DDIAS: variants seen among roughly 807,000 people sequenced by gnomAD.
The protein encoded by DDIAS is DNA damage-induced apoptosis suppressor protein.
In DDIAS, 14 loss-of-function variants were observed where a neutral mutation model predicts 15.7. The ratio of observed to expected loss-of-function variants is 0.89; its 90% CI spans 0.59 to 1.39. DDIAS has a LOEUF of 1.39. DDIAS is among the 40% of genes most tolerant of loss of function. The pLI is 0.00. For missense variants in DDIAS, 1,035 were observed against 1,130.9 expected, an observed-to-expected ratio of 0.92 and a Z score of 1.22; for synonymous variants, 355 against 395.9, an observed-to-expected ratio of 0.90 and a Z score of 1.23.
chr11:82,918,477 A>G (rs1251554840), intron 3 of DDIAS, among the ~76,000 whole-genome samples: 9 of 152,180 alleles, frequency 5.9e-5, no homozygotes, highest in Non-Finnish European at 4.4e-5. Flanking sequence ...TTTGGTGACG[A>G]TGGCCTTATA....
At chr11:82,912,209 G>A (rs970714708) in intron 1 of DDIAS, among the ~76,000 whole-genome samples, 10 of 152,140 alleles carry the variant, frequency 6.6e-5, no homozygotes, top group Admixed American at 6.5e-4. Flanking sequence ...TTGAAGCCTT[G>A]AAGCCAGGCA....
chr11:82,904,105 C>G (rs1461756424), intron 1 of DDIAS, among the ~76,000 whole-genome samples: 1 of 152,158 alleles, frequency 6.6e-6, no homozygotes, highest in Non-Finnish European at 1.5e-5. Context: ...GATAATGTTG[C>G]AAAAGCACTT....
At chr11:82,924,698 C>T (rs1238920660) in intron 3 of DDIAS, among the ~76,000 whole-genome samples, 1 of 151,936 alleles carries the variant, frequency 6.6e-6, no homozygotes, top group African/African-American at 2.4e-5. Flanking sequence ...GCCTGTAGTC[C>T]CAGCTGCTCA....
chr11:82,915,908 C>T (rs1860624339), intron 3 of DDIAS, among the ~76,000 whole-genome samples: 1 of 152,162 alleles, frequency 6.6e-6, no homozygotes. Context: ...GATTCTTAGA[C>T]ACCGCAACTT....
In DDIAS at chr11:82,934,082, G is replaced by T. The variant is rs757607659; in HGVS notation, c.2744G>T (p.Gly915Val). The change falls in exon 6 of 6, where the codon GGT becomes GTT. Residue 915 changes from glycine to valine, a missense_variant. Coordinates refer to ENST00000533655, the MANE Select transcript of DDIAS (RefSeq NM_145018.4). ...LKHIRQGTNK[G>V]LIKKKLKNML... ...CATATTAGACAAGGAACCAATAAAG[G>T]TTTAATTAAGAAGAAATTAAAGAAT... 2.5e-6 allele frequency: 4 copies of T among 1,610,058 alleles called. No individual in the cohort carries two copies. The highest frequency in any genetic ancestry group is 2.5e-6 in the Non-Finnish European group (3 of 1,178,980).
rs771000149 is a variant in DDIAS at position 82,934,042 on chromosome 11, AGAAAGAAACT to A, written c.2709_2718del (p.Lys903AsnfsTer11). The A allele has an allele frequency of 4.6e-5, 75 of 1,613,772 alleles. No homozygotes were observed. Among genetic ancestry groups the A allele is most frequent in the Non-Finnish European group, 6.0e-5 (71 of 1,179,970 alleles). ...TTTCCCTGATCAACAAGAGTTACCA[AGAAAGAAACT>A]GAAACATATTAGACAAGGAACCAAT... On this transcript the variant is annotated frameshift_variant, in exon 6 of 6. Coordinates refer to ENST00000533655, the MANE Select transcript of DDIAS (RefSeq NM_145018.4). LOFTEE classifies it low-confidence loss of function (END_TRUNC).
Position 82,934,020 on chromosome 11 carries a change from C to G in DDIAS, c.2682C>G (p.Phe894Leu). The G allele has an allele frequency of 6.2e-7, 1 of 1,613,782 alleles. No individual in the cohort carries two copies. The highest frequency in any genetic ancestry group is 1.6e-4 in the Middle Eastern group (1 of 6,062). Residue 894 changes from phenylalanine to leucine, a missense_variant, in exon 6 of 6, where the codon TTC becomes TTG. By Grantham distance (22) the Phe-to-Leu change is conservative. Coordinates refer to ENST00000533655, the MANE Select transcript of DDIAS (RefSeq NM_145018.4). ...GLGKCLAAYH[F>L]PDQQELPRKK... ...GGAAATGCCTTGCTGCCTATCATTT[C>G]CCTGATCAACAAGAGTTACCAAGAA... is the stretch of plus-strand genomic sequence containing the variant.
rs1478578256 is a variant in DDIAS at position 82,933,394 on chromosome 11, G to C, written c.2056G>C (p.Glu686Gln). The C allele has an allele frequency of 6.2e-7, 1 of 1,613,848 alleles. No individual in the cohort carries two copies. The highest frequency in any genetic ancestry group is 8.5e-7 in the Non-Finnish European group (1 of 1,179,960). The change falls in exon 6 of 6, where the codon GAA becomes CAA. Residue 686 changes from glutamate (E) to glutamine (Q), a missense_variant. By Grantham distance (29) the Glu-to-Gln change is conservative (BLOSUM62 2). Coordinates refer to ENST00000533655, the MANE Select transcript of DDIAS (RefSeq NM_145018.4). ...TGATCTCTTTGATGATATTGCTAAA[G>C]AAATGGACATTGCAACTGAGATTAC... The part of the protein sequence containing the change: ...SADLFDDIAK[E>Q]MDIATEITKK...
At chr11:82,929,497 A>G (rs1256627325) in intron 4 of DDIAS, among the ~76,000 whole-genome samples, 2 of 152,040 alleles carry the variant, frequency 1.3e-5, no homozygotes, top group Non-Finnish European at 2.9e-5. Flanking sequence ...AGGTCAGGAG[A>G]TGGAGACCAT....
intron 1 of DDIAS, among the ~76,000 whole-genome samples, chr11:82,906,207 T>C (rs74845110): frequency 0.015 from 2,343 of 152,296 alleles, 69 homozygotes; most frequent in African/African-American, 0.053. Context: ...GATCTTATTC[T>C]ATTATTGTCC....
chr11:82,933,893 C>G lies in DDIAS; in HGVS notation c.2555C>G (p.Pro852Arg). Residue 852 changes from proline to arginine, a missense_variant, in exon 6 of 6, where the codon CCT (proline) becomes CGT (arginine). Pro to Arg is a moderately radical substitution (Grantham distance 103). Transcript: ENST00000533655. ...VSQPDVFNHY[P>R]FAECHETDSD... ...CAACCAGACGTTTTCAATCACTACC[C>G]TTTTGCTGAGTGCCATGAAACTGAT... The G allele has an allele frequency of 6.2e-7, 1 of 1,613,984 alleles. No homozygotes were observed. Among genetic ancestry groups the G allele is most frequent in the Non-Finnish European group, 8.5e-7 (1 of 1,180,000 alleles).
Position 82,933,239 on chromosome 11 carries a change from C to A in DDIAS, c.1901C>A (p.Pro634His). The change falls in exon 6 of 6, where the codon CCT becomes CAT. Residue 634 changes from proline to histidine, a missense_variant. By Grantham distance (77) the Pro-to-His change is moderately conservative. Transcript: ENST00000533655. ...SFTICRKLTY[P>H]LETLCNSPNR... ...ACAATTTGCAGGAAACTTACATATC[C>A]TTTAGAAACTCTTTGCAATAGTCCA... is the stretch of plus-strand genomic sequence containing the variant. 1 of 1,612,196 alleles carries A rather than the reference C, an allele frequency of 6.2e-7. No individual in the cohort carries two copies. Among genetic ancestry groups the A allele is most frequent in the Non-Finnish European group, 8.5e-7 (1 of 1,179,544 alleles).
In DDIAS at chr11:82,933,102, G is replaced by A. The variant is rs751789704; in HGVS notation, c.1764G>A (p.Met588Ile). 1.2e-5 allele frequency: 19 copies of A among 1,602,190 alleles called. No individual in the cohort carries two copies. In the South Asian group the frequency reaches 1.4e-4, roughly 12 times the overall value. ...NGCGEISVSE[M>I]NEKLTTLCYR... ...GTGGAGAAATATCAGTTTCAGAAAT[G>A]AATGAAAAGTTGACAACTCTGTGTT... The change falls in exon 6 of 6, where the codon ATG becomes ATA. Residue 588 changes from methionine to isoleucine, a missense_variant. Met to Ile is a conservative substitution (Grantham distance 10). Transcript: ENST00000533655.
chr11:82,930,913 G>A (rs1035540822), intron 5 of DDIAS, among the ~76,000 whole-genome samples: 2 of 152,090 alleles, frequency 1.3e-5, no homozygotes, highest in African/African-American at 4.8e-5. Flanking sequence ...TAGAATCAAC[G>A]GCTACAGAGC....
chr11:82,933,362 C>T lies in DDIAS; in HGVS notation c.2024C>T (p.Ala675Val). The change falls in exon 6 of 6, where the codon GCC (alanine) becomes GTC (valine). Residue 675 changes from alanine to valine, a missense_variant. By Grantham distance (64) the Ala-to-Val change is moderately conservative. Transcript: ENST00000533655. ...ATTGGTTATGAAGGTAGCTATGATG[C>T]CTCTGCTGATCTCTTTGATGATATT... is the stretch of plus-strand genomic sequence containing the variant. The part of the protein sequence containing the change: ...YSIGYEGSYD[A>V]SADLFDDIAK... 1.9e-6 allele frequency: 3 copies of T among 1,613,922 alleles called. No homozygotes were observed. The highest frequency in any genetic ancestry group is 2.2e-5 in the East Asian group (1 of 44,866).
chr11:82,919,792 C>T (rs529131781), intron 3 of DDIAS, among the ~76,000 whole-genome samples: 4 of 152,232 alleles, frequency 2.6e-5, no homozygotes, highest in East Asian at 1.9e-4. Context: ...AGTGCAGTGG[C>T]GTGATCTCAG....
At chr11:82,907,714 T>C (rs368266499) in intron 1 of DDIAS, among the ~76,000 whole-genome samples, 1 of 152,216 alleles carries the variant, frequency 6.6e-6, no homozygotes, top group South Asian at 2.1e-4. Flanking sequence ...TAATATTTTT[T>C]ATTATTTGTA....
rs567034239 is a variant in DDIAS, at chr11:82,907,270, A to G, written c.-117+5448A>G. On this transcript the variant is annotated intron_variant, in intron 1 of 5. Transcript: ENST00000533655. ...CTCTTGGCATAAATTACTAGCACAT[A>G]AAGAGCAAAAAGAAAGTTAAGAGAA... is the stretch of plus-strand genomic sequence containing the variant. Among the ~76,000 whole-genome samples the G allele has an allele frequency of 2.6e-5, 4 of 152,318 alleles. No individual in the cohort carries two copies. In the South Asian group the frequency reaches 8.3e-4, roughly 32 times the overall value.
At chr11:82,918,591 A>C (rs188720206) in intron 3 of DDIAS, among the ~76,000 whole-genome samples, 4 of 152,260 alleles carry the variant, frequency 2.6e-5, no homozygotes, top group Admixed American at 2.6e-4. Context: ...GCATTTTAAA[A>C]TTGTTTTTTC....
Sources: allele counts gnomAD v4.1 joint callset (sites outside exome capture counted in the v4.1 genomes callset), GRCh38; gene constraint gnomAD v4.1.1; transcripts MANE v1.5; gene names NCBI Gene and HGNC (gene_info 2026-07-23, HGNC 2026-07-21).